Variants in ANK2 observed in about 807,000 individuals in gnomAD.
ANK2 encodes ankyrin 2.
In ANK2, 83 loss-of-function variants were observed where a neutral mutation model predicts 360.5. The observed-to-expected ratio is 0.23, with a 90% CI of 0.19 to 0.28. ANK2 has a LOEUF of 0.28. Ranked by LOEUF, ANK2 falls within the 10% of genes least tolerant of loss-of-function variation. The pLI is 1.00. For synonymous variants in ANK2, 1,740 were observed against 1,759.5 expected, an observed-to-expected ratio of 0.99 and a Z score of 0.28; for missense variants, 4,201 against 4,795.7, an observed-to-expected ratio of 0.88 and a Z score of 3.66.
chr4:113,309,825 GA>G (rs2079001701), intron 23 of ANK2, among the ~76,000 whole-genome samples: 1 of 152,102 alleles, frequency 6.6e-6, no homozygotes, highest in African/African-American at 2.4e-5. Flanking sequence ...TGGCCAATCA[GA>G]AGTTTTAAAT....
intron 22 of ANK2, among the ~76,000 whole-genome samples, chr4:113,298,250 T>C (rs2073009788): frequency 6.6e-6 from 1 of 152,208 alleles, no homozygotes; most frequent in Non-Finnish European, 1.5e-5. Flanking sequence ...TTACATAATA[T>C]TTAATTTAGT....
In ANK2 at chr4:113,333,216, C is replaced by T. The variant is rs759437387; in HGVS notation, c.3379+8C>T. On this transcript the variant is annotated splice_region_variant and intron_variant, in intron 29 of 45. Coordinates refer to ENST00000357077, the MANE Select transcript of ANK2 (RefSeq NM_001148.6). ...TTAACGGCATGGATGAAGGTACTTTCAGATGAAGCGTTTTAAAAGAAATCT... is the reference window on the plus strand; with the variant it reads ...TTAACGGCATGGATGAAGGTACTTTTAGATGAAGCGTTTTAAAAGAAATCT... 6.2e-7 allele frequency: 1 copy of T among 1,613,890 alleles called. No individual in the cohort carries two copies. The highest frequency in any genetic ancestry group is 1.7e-5 in the Admixed American group (1 of 59,976).
chr4:112,893,188 T>A (rs1028968764), intron 1 of ANK2, among the ~76,000 whole-genome samples: 4 of 152,180 alleles, frequency 2.6e-5, no homozygotes, highest in African/African-American at 7.2e-5. Context: ...GCATATAAAG[T>A]ATTTGGGAAA....
chr4:112,761,637 TAAAAATA>T, the ANK2 span, among the ~76,000 whole-genome samples: 4 of 91,188 alleles, frequency 4.4e-5, no homozygotes, highest in Admixed American at 2.7e-4. Flanking sequence ...AATAAATAAA[TAAAAATA>T]AAATAAAAAT....
chr4:113,329,255 C>G (rs77823176), intron 26 of ANK2, among the ~76,000 whole-genome samples: 2,397 of 152,210 alleles, frequency 0.016, 34 homozygotes, highest in East Asian at 0.036. Flanking sequence ...GACAAGCATT[C>G]AAATTAACCT....
At chr4:113,332,171 C>A in intron 28 of ANK2, 101 bp downstream of exon 28, 1 of 1,047,078 alleles carries the variant, frequency 9.6e-7, no homozygotes, top group Non-Finnish European at 1.5e-6. Context: ...CATGACATGT[C>A]CCTTTCTATG....
chr4:113,377,086 A>G (rs1157025666), intron 45 of ANK2, among the ~76,000 whole-genome samples: 1 of 152,190 alleles, frequency 6.6e-6, no homozygotes, highest in Non-Finnish European at 1.5e-5. Flanking sequence ...TATCACTTTT[A>G]TAATACTTGA....
Position 112,957,634 on chromosome 4 carries a change from G to A in ANK2, c.21+53120G>A, listed in dbSNP as rs868410234. On this transcript the variant is annotated intron_variant, in intron 2 of 30. Coordinates refer to the ANK2 transcript ENST00000503271. ...CACCTCCCGGACGGGGCGGCTGGCC[G>A]GGCGGGGGGCTGACCCCCCCACCTC... Among the ~76,000 whole-genome samples, 940 of 150,220 alleles carry A rather than the reference G, an allele frequency of 6.3e-3. 5 individuals carry two copies. The highest frequency in any genetic ancestry group is 0.02 in the African/African-American group (833 of 40,660).
chr4:112,711,974 C>A, the ANK2 span, among the ~76,000 whole-genome samples: 1 of 150,612 alleles, frequency 6.6e-6, no homozygotes, highest in African/African-American at 2.4e-5. Context: ...TGTGCCACTG[C>A]ACCTAGCAGT....
intron 1 of ANK2, among the ~76,000 whole-genome samples, chr4:113,166,478 T>G (rs934480295): frequency 6.6e-6 from 1 of 152,058 alleles, no homozygotes; most frequent in Non-Finnish European, 1.5e-5. Flanking sequence ...CATAAGCACT[T>G]TCTAAAGTTT....
At chr4:113,048,469 T>A (rs1482225297), upstream of ANK2, among the ~76,000 whole-genome samples, 1 of 147,770 alleles carries the variant, frequency 6.8e-6, no homozygotes, top group Non-Finnish European at 1.5e-5. Flanking sequence ...GAGGCAGGGT[T>A]TCATCACGTT....
At chr4:112,866,756 A>T (rs2150187837) in intron 1 of ANK2, among the ~76,000 whole-genome samples, 1 of 152,118 alleles carries the variant, frequency 6.6e-6, no homozygotes, top group South Asian at 2.1e-4. Flanking sequence ...CTTAGAAGTG[A>T]TTTATGACTG....
At chr4:113,213,806 C>T (rs2153459989) in intron 4 of ANK2, among the ~76,000 whole-genome samples, 1 of 152,100 alleles carries the variant, frequency 6.6e-6, no homozygotes, top group East Asian at 1.9e-4. Flanking sequence ...CTGCAAACAT[C>T]AGTATTCTCA....
chr4:112,924,095 C>T (rs568547731), intron 2 of ANK2, among the ~76,000 whole-genome samples: 18 of 152,010 alleles, frequency 1.2e-4, no homozygotes, highest in Non-Finnish European at 2.5e-4. Context: ...AGCTGGCTGG[C>T]GCAGTGGCTC....
chr4:113,238,580 T>G (rs2153561518), intron 7 of ANK2, among the ~76,000 whole-genome samples: 1 of 152,356 alleles, frequency 6.6e-6, no homozygotes, highest in South Asian at 2.1e-4. Flanking sequence ...TCTTAATAAC[T>G]AATTTCAATA....
At chr4:113,349,832 T>C (rs558267432) in intron 36 of ANK2, among the ~76,000 whole-genome samples, 12 of 152,172 alleles carry the variant, frequency 7.9e-5, no homozygotes, top group Non-Finnish European at 1.8e-4. Context: ...AAACTACTTC[T>C]GTAGAACACA....
rs542234724 is a variant in ANK2 at position 112,860,787 on chromosome 4, T to A, written c.-40+42523T>A. Among the ~76,000 whole-genome samples the A allele has an allele frequency of 3.9e-5, 6 of 152,206 alleles. No homozygotes were observed. In the East Asian group the frequency reaches 7.7e-4, roughly 20 times the overall value. Reference sequence around the variant, plus strand: ...TTTTTTTTTTGGTTGTAAGTCTTGCTTTTCAGGGTTGGGTGACTGGGGCTA... The same window carrying A: ...TTTTTTTTTTGGTTGTAAGTCTTGCATTTCAGGGTTGGGTGACTGGGGCTA... On this transcript the variant is annotated intron_variant, in intron 1 of 30. Coordinates refer to the ANK2 transcript ENST00000503271.
At chr4:112,894,444 A>C (rs1041982929) in intron 1 of ANK2, among the ~76,000 whole-genome samples, 1 of 152,098 alleles carries the variant, frequency 6.6e-6, no homozygotes, top group Non-Finnish European at 1.5e-5. Flanking sequence ...ATAATTTGAA[A>C]ACTTTCAAAC....
intron 5 of ANK2, among the ~76,000 whole-genome samples, chr4:113,235,551 C>T (rs2099365138): frequency 6.6e-6 from 1 of 152,108 alleles, no homozygotes; most frequent in South Asian, 2.1e-4. Context: ...GCCTCAGCCT[C>T]CCAAGTAGCT....
Sources: gnomAD v4.1 joint callset for allele counts (sites outside exome capture counted in the v4.1 genomes callset) on GRCh38, gnomAD v4.1.1 for gene constraint, MANE v1.5 for transcripts, NCBI Gene and HGNC (gene_info 2026-07-23, HGNC 2026-07-21) for gene names.